The following KCNN1 variants were observed in gnomAD, a reference collection of about 807,000 sequenced individuals.
KCNN1 encodes potassium calcium-activated channel subfamily N member 1, also known as small conductance calcium-activated potassium channel protein 1.
KCNN1 carries 20 observed loss-of-function variants against 44.7 expected under a neutral mutation model. The observed-to-expected ratio is 0.45, with a 90% CI of 0.32 to 0.65. The LOEUF (loss-of-function observed/expected upper bound fraction) is 0.65, where lower values mean the gene tolerates loss of function less well. Ranked by LOEUF, KCNN1 falls within the 30% of genes least tolerant of loss-of-function variation. The pLI is 0.05. For synonymous variants in KCNN1, 324 were observed against 341.7 expected (o/e 0.95, Z 0.57); for missense variants, 632 against 785.3 (o/e 0.80, Z 2.33).
At chr19:17,986,227 G>C (rs1050896134) in intron 5 of KCNN1, among the ~76,000 whole-genome samples, 51 of 152,228 alleles carry the variant, frequency 3.4e-4, no homozygotes, top group African/African-American at 1.2e-3. Flanking sequence ...GCCGGGCGTG[G>C]TGGTGGGTGC....
chr19:17,961,617 T>C (rs1413533217), intron 2 of KCNN1, among the ~76,000 whole-genome samples: 5 of 148,684 alleles, frequency 3.4e-5, no homozygotes, highest in Non-Finnish European at 5.9e-5. Context: ...AGTCTTGCTT[T>C]GTTGCCCAGG....
chr19:17,981,685 C>T lies in KCNN1; in HGVS notation c.499-24C>T. The T allele has an allele frequency of 1.9e-6, 3 of 1,550,024 alleles. No individual in the cohort carries two copies. In the South Asian group the frequency reaches 3.7e-5, roughly 19 times the overall value. On this transcript the variant is annotated intron_variant, in intron 3 of 9. Coordinates refer to ENST00000684775, the MANE Select transcript of KCNN1 (RefSeq NM_001386974.1). ...CGCGGCGCGTGTCTGACACCCATGG[C>T]TGGTTCCCTCCCGCCCTCCACAGCT...
At chr19:17,982,776 G>C (rs973557703) in intron 4 of KCNN1, among the ~76,000 whole-genome samples, 1 of 152,160 alleles carries the variant, frequency 6.6e-6, no homozygotes, top group African/African-American at 2.4e-5. Context: ...CGAGCCTCAG[G>C]GCCCTTGTGT....
At chr19:17,969,145 G>A (rs2031922839) in intron 1 of KCNN1, among the ~76,000 whole-genome samples, 1 of 152,054 alleles carries the variant, frequency 6.6e-6, no homozygotes, top group South Asian at 2.1e-4. Flanking sequence ...TTGCAGTGGG[G>A]GAGGGGATGT....
chr19:17,995,149 G>A (rs916639634), intron 9 of KCNN1, among the ~76,000 whole-genome samples: 3 of 151,420 alleles, frequency 2.0e-5, no homozygotes, highest in Non-Finnish European at 2.9e-5. Context: ...TAACCTACAA[G>A]AAATTTAATT....
At position 17,973,847 on chromosome 19, in the gene KCNN1, CG is replaced by C; in HGVS notation, c.-39del. ...CCAGCCGCTGAGCCATGCCGGGCCC[CG>C]GGCGGCCTGCAGCGAGCCCAACCCC... On this transcript the variant is annotated 5_prime_UTR_variant, in exon 2 of 10. An upstream open reading frame in the 5' UTR gains an earlier in-frame stop. Coordinates refer to ENST00000684775, the MANE Select transcript of KCNN1 (RefSeq NM_001386974.1). 1 of 1,540,358 alleles carries C rather than the reference CG, an allele frequency of 6.5e-7. No homozygotes were observed. Among genetic ancestry groups the C allele is most frequent in the Non-Finnish European group, 8.7e-7 (1 of 1,145,708 alleles).
In KCNN1 at chr19:17,967,150, A is replaced by G. The variant is rs1278215460; in HGVS notation, c.-249A>G. ...GGGCCCGTGGACTGGGCGGCGGGGG[A>G]TGCGCCTGCCGCCGCCGCCCCCGGC... On this transcript the variant is annotated 5_prime_UTR_variant, in exon 1 of 10. The change abolishes an upstream ATG in the 5' untranslated region. Coordinates refer to ENST00000684775, the MANE Select transcript of KCNN1 (RefSeq NM_001386974.1). 1 of 962,382 alleles carries G rather than the reference A, an allele frequency of 1.0e-6. No homozygotes were observed. Among genetic ancestry groups the G allele is most frequent in the Non-Finnish European group, 1.2e-6 (1 of 811,990 alleles). The allele number at this position is 962,382 out of a possible 1,614,324, so 59.6% of individuals were successfully genotyped here. A position where few individuals can be genotyped will look rare whatever the true frequency, so the allele number is the denominator to read the frequency against.
intron 3 of KCNN1, among the ~76,000 whole-genome samples, chr19:17,980,275 A>G (rs12460917): frequency 0.13 from 11,519 of 91,332 alleles, 668 homozygotes; most frequent in East Asian, 0.28. Context: ...TTTAGTAGAG[A>G]CGGGGTTTTG....
Position 17,984,078 on chromosome 19 carries a change from G to A in KCNN1, c.918-1234G>A, listed in dbSNP as rs541139755. On this transcript the variant is annotated intron_variant, in intron 4 of 9. Coordinates refer to ENST00000684775, the MANE Select transcript of KCNN1 (RefSeq NM_001386974.1). ...CTCGGGAGGCTGAAGCAGGAGAATCGCTTGAACCCGGGAGGTGTAGGTTGC... is the reference window on the plus strand; with the variant it reads ...CTCGGGAGGCTGAAGCAGGAGAATCACTTGAACCCGGGAGGTGTAGGTTGC... Among the ~76,000 whole-genome samples, 15 of 151,874 alleles carry A rather than the reference G, an allele frequency of 9.9e-5. No homozygotes were observed. The South Asian group carries it at 2.3e-3, about 23-fold the overall frequency.
At chr19:17,985,527 C>A in intron 5 of KCNN1, 74 bp downstream of exon 5, 1 of 1,391,716 alleles carries the variant, frequency 7.2e-7, no homozygotes, top group South Asian at 1.5e-5. Context: ...CTTGCATACC[C>A]CTTGCTGACA....
At chr19:17,995,581 A>G (rs2032958552) in intron 9 of KCNN1, among the ~76,000 whole-genome samples, 1 of 151,498 alleles carries the variant, frequency 6.6e-6, no homozygotes, top group Admixed American at 6.6e-5. Flanking sequence ...AAATATTCCC[A>G]TATAACTTCT....
chr19:17,973,801 C>A lies in KCNN1; in HGVS notation c.-81-7C>A. On this transcript the variant is annotated splice_region_variant and splice_polypyrimidine_tract_variant and intron_variant, in intron 1 of 9. Coordinates refer to ENST00000684775, the MANE Select transcript of KCNN1 (RefSeq NM_001386974.1). ...TGCTGTGACCATGTCCCTCTGTGCC[C>A]TTGCAGGTCAGTGCAGGAGCCCAGC... The A allele has an allele frequency of 6.6e-7, 1 of 1,504,428 alleles. No homozygotes were observed. 93.2% of individuals were successfully genotyped at this position (1,504,428 alleles called of 1,614,324 possible).
chr19:17,977,103 C>T (rs147628624), intron 3 of KCNN1, among the ~76,000 whole-genome samples: 74 of 152,152 alleles, frequency 4.9e-4, no homozygotes, highest in African/African-American at 1.6e-3. Context: ...GAGATCAAGG[C>T]GTTAGCAGGG....
rs71164331 is a variant in KCNN1, at chr19:17,958,480, CTTTTTTTTT to C, written c.-82+3814_-82+3822del. Among the ~76,000 whole-genome samples, 4 of 99,540 alleles carry C rather than the reference CTTTTTTTTT, an allele frequency of 4.0e-5. 1 individual carries two copies. Among genetic ancestry groups the C allele is most frequent in the Admixed American group, 2.4e-4 (2 of 8,304 alleles). 65.3% of individuals were successfully genotyped at this position (99,540 alleles called of 152,430 possible). On this transcript the variant is annotated intron_variant, in intron 2 of 10. Coordinates refer to the KCNN1 transcript ENST00000222249. ...TGCGAGACAACAGGAGACCCTGTCT[CTTTTTTTTT>C]TTTTTTTTTTTTTTGATACAGGGTC... is the stretch of plus-strand genomic sequence containing the variant.
At chr19:17,986,951 C>T (rs895602173) in intron 5 of KCNN1, among the ~76,000 whole-genome samples, 6 of 152,090 alleles carry the variant, frequency 3.9e-5, no homozygotes, top group Non-Finnish European at 7.4e-5. Context: ...GAATTACAGG[C>T]GCCTGCCACC....
At chr19:17,968,853 C>T (rs1308816738) in intron 1 of KCNN1, among the ~76,000 whole-genome samples, 1 of 152,116 alleles carries the variant, frequency 6.6e-6, no homozygotes. Context: ...CAAATACACC[C>T]CGTAGGATGT....
Position 17,974,314 on chromosome 19 carries a change from A to C in KCNN1, c.402+24A>C. ...AGGTAGGCGTGGTCCTCCCCCAGGCACTCCAGGGAGGTTCCACCAAGCCCG... is the reference window on the plus strand; with the variant it reads ...AGGTAGGCGTGGTCCTCCCCCAGGCCCTCCAGGGAGGTTCCACCAAGCCCG... On this transcript the variant is annotated intron_variant, in intron 2 of 9. Transcript: ENST00000684775. This position sits in a 1 kb window ranked among gnomAD's most constrained non-coding sequence, Gnocchi z 7.3. 1 of 1,523,208 alleles carries C rather than the reference A, an allele frequency of 6.6e-7. No individual in the cohort carries two copies. The highest frequency in any genetic ancestry group is 8.8e-7 in the Non-Finnish European group (1 of 1,135,964). 94.4% of individuals were successfully genotyped at this position (1,523,208 alleles called of 1,614,324 possible). A position where few individuals can be genotyped will look rare whatever the true frequency, so the allele number is the denominator to read the frequency against.
At chr19:17,976,222 A>C (rs2032199649) in intron 3 of KCNN1, among the ~76,000 whole-genome samples, 1 of 151,744 alleles carries the variant, frequency 6.6e-6, no homozygotes, top group African/African-American at 2.4e-5. Flanking sequence ...CGGGAGAATC[A>C]CTTGAACCTG....
chr19:17,966,676 C>T (rs1163157974), upstream of KCNN1, among the ~76,000 whole-genome samples: 1 of 152,184 alleles, frequency 6.6e-6, no homozygotes, highest in East Asian at 1.9e-4. Flanking sequence ...TTGCAATCAC[C>T]CTAGTCCCCC....
Sources: gnomAD v4.1 joint callset for allele counts (sites outside exome capture counted in the v4.1 genomes callset) on GRCh38, gnomAD v4.1.1 for gene constraint, Gnocchi (gnomAD v3.1) non-coding constraint, MANE v1.5 for transcripts, NCBI Gene and HGNC (gene_info 2026-07-23, HGNC 2026-07-21) for gene names.